The following HCN1 variants were observed in gnomAD, a reference collection of about 807,000 sequenced individuals.
HCN1 encodes the protein hyperpolarization activated cyclic nucleotide gated potassium channel 1.
HCN1 carries 13 observed loss-of-function variants against 78.9 expected under a neutral mutation model. That is an observed-to-expected ratio of 0.16 (90% CI 0.11 to 0.26). The LOEUF (loss-of-function observed/expected upper bound fraction) is 0.26. Ranked by LOEUF, HCN1 falls within the 10% of genes least tolerant of loss-of-function variation. HCN1 has a pLI of 1.00. For missense variants in HCN1, 810 were observed against 1,154.3 expected, an observed-to-expected ratio of 0.70 and a Z score of 4.32; for synonymous variants, 552 against 455.5, an observed-to-expected ratio of 1.21 and a Z score of -2.70.
intron 2 of HCN1, among the ~76,000 whole-genome samples, chr5:45,482,827 T>C (rs548470488): frequency 2.6e-5 from 4 of 152,282 alleles, no homozygotes; most frequent in African/African-American, 9.6e-5. Flanking sequence ...GCTCAATATT[T>C]AGCTCCCACT....
intron 6 of HCN1, among the ~76,000 whole-genome samples, chr5:45,281,399 T>A (rs1294790587): frequency 2.6e-5 from 4 of 151,972 alleles, no homozygotes; most frequent in East Asian, 3.9e-4. Flanking sequence ...TTCTGAGGCC[T>A]CCCCAGCCAT....
At chr5:45,564,713 T>C (rs1275077388) in intron 2 of HCN1, among the ~76,000 whole-genome samples, 1 of 152,222 alleles carries the variant, frequency 6.6e-6, no homozygotes, top group Non-Finnish European at 1.5e-5. Context: ...GACAATCTGA[T>C]ATTAACATAA....
chr5:45,625,252 G>A (rs765628148), intron 2 of HCN1, among the ~76,000 whole-genome samples: 2 of 152,030 alleles, frequency 1.3e-5, no homozygotes, highest in Non-Finnish European at 2.9e-5. Flanking sequence ...GCAATGAGCT[G>A]AGACCATGCC....
rs563499985 is a variant in HCN1 at position 45,486,285 on chromosome 5, G to T, written c.850-24278C>A. On this transcript the variant is annotated intron_variant, in intron 2 of 7. Transcript: ENST00000303230. ...ATCATAGCTATTGATTAATTGGTAAGTGCTTATATTTATATCCACTGTCAA... is the reference window on the plus strand; with the variant it reads ...ATCATAGCTATTGATTAATTGGTAATTGCTTATATTTATATCCACTGTCAA... 7.5e-4 allele frequency among the ~76,000 whole-genome samples: 114 copies of T among 152,226 alleles called. 1 individual carries two copies. Among genetic ancestry groups the T allele is most frequent in the African/African-American group, 2.6e-3 (109 of 41,564 alleles).
chr5:45,647,327 A>C (rs1745569266), intron 1 of HCN1, among the ~76,000 whole-genome samples: 1 of 152,126 alleles, frequency 6.6e-6, no homozygotes, highest in Non-Finnish European at 1.5e-5. Flanking sequence ...GTAGAGGAGG[A>C]GCAATATTGT....
intron 3 of HCN1, among the ~76,000 whole-genome samples, chr5:45,416,864 C>T (rs1740129806): frequency 1.3e-5 from 2 of 151,852 alleles, no homozygotes; most frequent in African/African-American, 2.4e-5. Flanking sequence ...TCTCCCCTCT[C>T]CCCCAACACC....
chr5:45,431,709 G>GT (rs1474130843), intron 3 of HCN1, among the ~76,000 whole-genome samples: 1 of 152,056 alleles, frequency 6.6e-6, no homozygotes, highest in Non-Finnish European at 1.5e-5. Context: ...TCCGTTGCTT[G>GT]TTTTTGTCAA....
intron 2 of HCN1, among the ~76,000 whole-genome samples, chr5:45,497,989 C>T (rs920447846): frequency 5.3e-5 from 8 of 152,136 alleles, no homozygotes; most frequent in Non-Finnish European, 7.3e-5. Context: ...TTGAGGGTAA[C>T]CGGACCTTTC....
intron 2 of HCN1, among the ~76,000 whole-genome samples, chr5:45,596,692 T>C (rs1744505744): frequency 6.6e-6 from 1 of 152,200 alleles, no homozygotes; most frequent in Non-Finnish European, 1.5e-5. Flanking sequence ...GTTGAAGTTG[T>C]CCATGAATCA....
chr5:45,633,317 C>G (rs1021651749), intron 2 of HCN1, among the ~76,000 whole-genome samples: 1 of 151,580 alleles, frequency 6.6e-6, no homozygotes, highest in Non-Finnish European at 1.5e-5. Flanking sequence ...TTTTTTTTAA[C>G]TCAGGAAATC....
At chr5:45,630,754 CTT>C in intron 2 of HCN1, among the ~76,000 whole-genome samples, 1 of 152,274 alleles carries the variant, frequency 6.6e-6, no homozygotes, top group South Asian at 2.1e-4. Flanking sequence ...TCAGGTATCA[CTT>C]TCTCCCTGGA....
chr5:45,486,928 G>C (rs1374496008), intron 2 of HCN1, among the ~76,000 whole-genome samples: 1 of 152,048 alleles, frequency 6.6e-6, no homozygotes, highest in African/African-American at 2.4e-5. Flanking sequence ...TGGTAAATTA[G>C]ATGTTCACAA....
intron 2 of HCN1, chr5:45,643,828 A>T (rs1254519991): frequency 6.6e-6 from 1 of 152,178 alleles, no homozygotes; most frequent in Non-Finnish European, 1.5e-5. Context: ...AGCAAGAATC[A>T]TCTTGGTTTG....
chr5:45,380,481 C>T (rs1267851672), intron 4 of HCN1, among the ~76,000 whole-genome samples: 1 of 152,038 alleles, frequency 6.6e-6, no homozygotes, highest in Non-Finnish European at 1.5e-5. Context: ...ATTTAAGTTA[C>T]ATAGGAGATT....
chr5:45,589,025 C>A (rs1744300504), intron 2 of HCN1, among the ~76,000 whole-genome samples: 1 of 152,048 alleles, frequency 6.6e-6, no homozygotes, highest in Admixed American at 6.6e-5. Flanking sequence ...TATGTAAAGA[C>A]AAGACAACAG....
At chr5:45,500,014 TATA>T (rs1742156501) in intron 2 of HCN1, among the ~76,000 whole-genome samples, 1 of 152,120 alleles carries the variant, frequency 6.6e-6, no homozygotes. Context: ...TAGAAGTAAT[TATA>T]ATTTTATAAT....
At chr5:45,416,017 G>C (rs770606232) in intron 3 of HCN1, among the ~76,000 whole-genome samples, 1 of 151,860 alleles carries the variant, frequency 6.6e-6, no homozygotes, top group Non-Finnish European at 1.5e-5. Context: ...AAGATTCAGG[G>C]TATTTCTAAC....
At chr5:45,695,575 T>A in intron 1 of HCN1, 94 bp downstream of exon 1, 73 of 1,014,244 alleles carry the variant, frequency 7.2e-5, no homozygotes, top group East Asian at 1.0e-4. Context: ...CCGCCCGCCC[T>A]CCTAGTCCCC....
At chr5:45,327,597 T>A (rs1320801288) in intron 5 of HCN1, among the ~76,000 whole-genome samples, 2 of 151,628 alleles carry the variant, frequency 1.3e-5, no homozygotes, top group Non-Finnish European at 3.0e-5. Context: ...TGTGTTAGCA[T>A]TTGTTATGGG....
Sources: allele counts gnomAD v4.1 joint callset (sites outside exome capture counted in the v4.1 genomes callset), GRCh38; gene constraint gnomAD v4.1.1; transcripts MANE v1.5; gene names NCBI Gene and HGNC (gene_info 2026-07-23, HGNC 2026-07-21).